CCL25: variants seen among roughly 807,000 people sequenced by gnomAD.
CCL25 encodes the protein C-C motif chemokine ligand 25.
CCL25 carries 14 observed loss-of-function variants against 19.9 expected under a neutral mutation model. That is an observed-to-expected ratio of 0.70 (90% CI 0.47 to 1.10). The LOEUF is 1.10. Among genes scored for constraint, CCL25 ranks in the 50% least tolerant of loss-of-function variants. CCL25 has a pLI of 0.00. For synonymous variants in CCL25, 68 were observed against 73.2 expected (o/e 0.93, Z 0.36); for missense variants, 151 against 181.2 (o/e 0.83, Z 0.96).
At chr19:8,057,959 AC>A (rs1301285304) in intron 5 of CCL25, 39 bp downstream of exon 5, 1 of 1,596,578 alleles carries the variant, frequency 6.3e-7, no homozygotes, top group Non-Finnish European at 8.6e-7. Context: ...CCCATCCATC[AC>A]CTTTGCTGAG....
intron 2 of CCL25, among the ~76,000 whole-genome samples, chr19:8,055,374 C>T (rs572951149): frequency 9.2e-4 from 136 of 148,432 alleles, no homozygotes; most frequent in African/African-American, 3.3e-3. Context: ...CTCACTCTGT[C>T]GCCCAGGCTG....
At chr19:8,054,007 G>T (rs1365020580) in intron 2 of CCL25, among the ~76,000 whole-genome samples, 3 of 152,188 alleles carry the variant, frequency 2.0e-5, no homozygotes, top group African/African-American at 7.2e-5. Flanking sequence ...TTATTAATAG[G>T]GAACTCTTTC....
At chr19:8,053,157 C>T (rs1237546727) in intron 2 of CCL25, 35 bp downstream of exon 2, 1 of 1,415,978 alleles carries the variant, frequency 7.1e-7, no homozygotes. Context: ...ACCAAGTGCC[C>T]CTCTCCCCAT....
chr19:8,059,886 G>C (rs1316750979), intron 5 of CCL25, among the ~76,000 whole-genome samples: 1 of 151,678 alleles, frequency 6.6e-6, no homozygotes, highest in Non-Finnish European at 1.5e-5. Context: ...TCAGGAGATC[G>C]AGACCATCCA....
chr19:8,058,042 C>A, intron 5 of CCL25, 122 bp downstream of exon 5: 1 of 1,452,980 alleles, frequency 6.9e-7, no homozygotes, highest in Non-Finnish European at 9.1e-7. Flanking sequence ...GGTGGTTGTG[C>A]GGTCAGTGCC....
In CCL25 at chr19:8,053,048, G is replaced by T; in HGVS notation, c.-2G>T. The T allele has an allele frequency of 6.4e-7, 1 of 1,550,582 alleles. No individual in the cohort carries two copies. The stretch of plus-strand genomic sequence containing the variant: ...GCCCAGGGAGGAGGACCCGCCTGCA[G>T]CATGAACCTGTGGCTCCTGGCCTGC... On this transcript the variant is annotated 5_prime_UTR_variant, in exon 2 of 6. Coordinates refer to ENST00000315626, the MANE Select transcript of CCL25 (RefSeq NM_005624.4).
rs541413975 is a variant in CCL25, at chr19:8,058,313, ATAAG to A, written c.445+397_445+400del. On this transcript the variant is annotated intron_variant, in intron 5 of 5. Transcript: ENST00000315626. ...TATAATATATAAACATATATAATAT[ATAAG>A]TAAATATATAATATATAAATATATA... 4.8e-3 allele frequency among the ~76,000 whole-genome samples: 531 copies of A among 111,494 alleles called. 7 individuals carry two copies. Among genetic ancestry groups the A allele is most frequent in the African/African-American group, 0.015 (506 of 33,112 alleles). The allele number at this position is 111,494 out of a possible 152,430, so 73.1% of individuals were successfully genotyped here.
chr19:8,056,550 A>G, intron 4 of CCL25, 51 bp downstream of exon 4: 1 of 1,607,862 alleles, frequency 6.2e-7, no homozygotes, highest in East Asian at 2.2e-5. Context: ...CCCTGCCTGC[A>G]AGCCCATGTG....
At chr19:8,057,177 G>A (rs1013456347) in intron 4 of CCL25, among the ~76,000 whole-genome samples, 1 of 151,714 alleles carries the variant, frequency 6.6e-6, no homozygotes, top group Non-Finnish European at 1.5e-5. Flanking sequence ...ACGCCACCAC[G>A]CCTGGCTAAT....
In CCL25 at chr19:8,062,208, G is replaced by T. The variant is rs2145303175; in HGVS notation, c.446-10G>T. ...CAATTTTACTTCGGCCTCTCTCATT[G>T]CTTCTGCAGGACTGTGAGCCGGCTC... On this transcript the variant is annotated splice_polypyrimidine_tract_variant and intron_variant, in intron 5 of 5. Coordinates refer to ENST00000315626, the MANE Select transcript of CCL25 (RefSeq NM_005624.4). The T allele has an allele frequency of 6.2e-7, 1 of 1,612,814 alleles. No individual in the cohort carries two copies. The highest frequency in any genetic ancestry group is 2.0e-4 in the Middle Eastern group (1 of 5,128).
intron 5 of CCL25, among the ~76,000 whole-genome samples, chr19:8,058,815 C>T (rs1027269409): frequency 1.1e-4 from 16 of 140,304 alleles, no homozygotes; most frequent in African/African-American, 3.1e-4. Flanking sequence ...CCCGCCACCA[C>T]GCTGGGCTAA....
intron 5 of CCL25, among the ~76,000 whole-genome samples, chr19:8,059,732 G>T (rs1387827610): frequency 6.6e-6 from 1 of 152,142 alleles, no homozygotes; most frequent in Non-Finnish European, 1.5e-5. Flanking sequence ...TTACAAAGGG[G>T]CTGGGCATGG....
chr19:8,058,163 G>A (rs1354395929), intron 5 of CCL25, among the ~76,000 whole-genome samples: 1 of 151,416 alleles, frequency 6.6e-6, no homozygotes, highest in Non-Finnish European at 1.5e-5. Context: ...AAGAGCTCCA[G>A]GGCCCCCCAA....
At chr19:8,054,351 C>T (rs898148426) in intron 2 of CCL25, among the ~76,000 whole-genome samples, 1 of 152,234 alleles carries the variant, frequency 6.6e-6, no homozygotes, top group Non-Finnish European at 1.5e-5. Context: ...GGCCTCCAGC[C>T]TTGGGAACTA....
upstream of CCL25, chr19:8,052,737 G>C: frequency 2.8e-6 from 1 of 353,408 alleles, no homozygotes; most frequent in East Asian, 4.4e-5. Flanking sequence ...TCTATAAAGA[G>C]TGAAGCTCAG....
At chr19:8,058,257 T>C (rs1049739365) in intron 5 of CCL25, among the ~76,000 whole-genome samples, 1 of 144,516 alleles carries the variant, frequency 6.9e-6, no homozygotes, top group Non-Finnish European at 1.5e-5. Context: ...TCTCTCTCTA[T>C]ATATACATAT....
intron 5 of CCL25, among the ~76,000 whole-genome samples, 191 bp from the exon 6 acceptor site, chr19:8,062,027 C>A (rs990205752): frequency 7.7e-6 from 1 of 129,480 alleles, no homozygotes; most frequent in Non-Finnish European, 1.6e-5. Flanking sequence ...TCCAGTCTGG[C>A]GACAGAGCGA....
chr19:8,056,190 A>T lies in CCL25; in HGVS notation c.112A>T (p.Ile38Phe). ...EDCCLAYHYP[I>F]GWAVLRRAWT... Reference sequence around the variant, plus strand: ...CTGCTGCCTGGCCTACCACTACCCCATTGGGTGGGCTGTGCTCCGGCGCGC... The same window carrying T: ...CTGCTGCCTGGCCTACCACTACCCCTTTGGGTGGGCTGTGCTCCGGCGCGC... Residue 38 changes from isoleucine (I) to phenylalanine (F), a missense_variant, in exon 3 of 6, where the codon ATT becomes TTT. Ile to Phe is a conservative substitution (Grantham distance 21). Transcript: ENST00000315626. 1 of 1,556,822 alleles carries T rather than the reference A, an allele frequency of 6.4e-7. No individual in the cohort carries two copies. Among genetic ancestry groups the T allele is most frequent in the Non-Finnish European group, 8.7e-7 (1 of 1,153,526 alleles).
chr19:8,057,701 T>C (rs368332071), intron 4 of CCL25, 100 bp from the exon 5 acceptor site: 34 of 1,454,306 alleles, frequency 2.3e-5, no homozygotes, highest in African/African-American at 8.5e-5. Context: ...GGGAGACTCA[T>C]TGGCTTAAAT....
Sources: allele counts gnomAD v4.1 joint callset (sites outside exome capture counted in the v4.1 genomes callset), GRCh38; gene constraint gnomAD v4.1.1; transcripts MANE v1.5; gene names NCBI Gene and HGNC (gene_info 2026-07-23, HGNC 2026-07-21).